UFL1: variants seen among roughly 807,000 people sequenced by gnomAD.
The protein encoded by UFL1 is E3 UFM1-protein ligase 1.
A neutral mutation model predicts 99.3 loss-of-function variants in UFL1; 78 were observed. That is an observed-to-expected ratio of 0.79 (90% CI 0.65 to 0.95). The LOEUF (loss-of-function observed/expected upper bound fraction) is 0.95, where lower values mean the gene tolerates loss of function less well. Ranked by LOEUF, UFL1 falls within the 40% of genes least tolerant of loss-of-function variation. The pLI, the probability that UFL1 is intolerant of heterozygous loss-of-function variation, is 0.00. For synonymous variants in UFL1, 335 were observed against 322.2 expected, an observed-to-expected ratio of 1.04 and a Z score of -0.42; for missense variants, 936 against 937.0, an observed-to-expected ratio of 1.00 and a Z score of 0.01.
chr6:96,537,871 T>C (rs1769875491), intron 9 of UFL1, among the ~76,000 whole-genome samples: 1 of 151,900 alleles, frequency 6.6e-6, no homozygotes, highest in Non-Finnish European at 1.5e-5. Flanking sequence ...AGGCATTGTG[T>C]AGCATTTGTT....
intron 12 of UFL1, among the ~76,000 whole-genome samples, chr6:96,543,548 G>A (rs1769959482): frequency 1.3e-5 from 2 of 151,156 alleles, no homozygotes; most frequent in South Asian, 4.1e-4. Flanking sequence ...AGCATAAATG[G>A]AGTTATAGAG....
intron 6 of UFL1, among the ~76,000 whole-genome samples, chr6:96,534,055 C>T (rs1445591490): frequency 6.6e-6 from 1 of 151,794 alleles, no homozygotes; most frequent in Admixed American, 6.6e-5. Context: ...GCAATGTAAA[C>T]TGATCCTTGA....
At chr6:96,537,337 T>C (rs187730744) in intron 8 of UFL1, 37 bp from the exon 9 acceptor site, 29 of 1,499,170 alleles carry the variant, frequency 1.9e-5, no homozygotes, top group Admixed American at 1.5e-4. Context: ...TTACATGTAA[T>C]TGACAATTCT....
In UFL1 at chr6:96,528,547, C is replaced by G; in HGVS notation, c.511C>G (p.Leu171Val). 6 of 1,613,820 alleles carry G rather than the reference C, an allele frequency of 3.7e-6. No homozygotes were observed. Among genetic ancestry groups the G allele is most frequent in the Non-Finnish European group, 5.1e-6 (6 of 1,179,814 alleles). ...LGRIISGHID[L>V]DNRGVIFTEA... ...TAGAATTATCAGTGGACATATTGAT[C>G]TTGATAATAGAGGAGTAATTTTTAC... The change falls in exon 6 of 19, where the codon CTT becomes GTT. Residue 171 changes from leucine (L) to valine (V), a missense_variant. Leu to Val is a conservative substitution (Grantham distance 32). Coordinates refer to ENST00000369278, the MANE Select transcript of UFL1 (RefSeq NM_015323.5).
chr6:96,541,671 A>C (rs934430281), intron 11 of UFL1, among the ~76,000 whole-genome samples: 2 of 151,284 alleles, frequency 1.3e-5, no homozygotes, highest in Admixed American at 1.3e-4. Flanking sequence ...ATATTTGAAG[A>C]TATAGTTATA....
chr6:96,553,313 A>G lies in UFL1; in HGVS notation c.2195A>G (p.Gln732Arg). Residue 732 changes from glutamine (Q) to arginine (R), a missense_variant, in exon 19 of 19, where the codon CAA (glutamine) becomes CGA (arginine). Physicochemically the swap from Gln to Arg is conservative, Grantham distance 43. Coordinates refer to ENST00000369278, the MANE Select transcript of UFL1 (RefSeq NM_015323.5). ...CAGCATGCTCTTTTGGTAAAGTATCAAGGTTTGGTTGTAAAGCAGCTAGTC... is the reference window on the plus strand; with the variant it reads ...CAGCATGCTCTTTTGGTAAAGTATCGAGGTTTGGTTGTAAAGCAGCTAGTC... ...EDQHALLVKY[Q>R]GLVVKQLVSQ... 2 of 1,613,616 alleles carry G rather than the reference A, an allele frequency of 1.2e-6. No individual in the cohort carries two copies. Among genetic ancestry groups the G allele is most frequent in the Non-Finnish European group, 1.7e-6 (2 of 1,179,716 alleles).
At chr6:96,524,653 T>A (rs768903832) in intron 3 of UFL1, among the ~76,000 whole-genome samples, 1 of 152,194 alleles carries the variant, frequency 6.6e-6, no homozygotes, top group East Asian at 1.9e-4. Context: ...TGGCCAACTC[T>A]TCCCTAGTTG....
At chr6:96,531,488 T>G (rs1016908534) in intron 6 of UFL1, among the ~76,000 whole-genome samples, 2 of 152,206 alleles carry the variant, frequency 1.3e-5, no homozygotes, top group African/African-American at 4.8e-5. Flanking sequence ...CCATTGCTAC[T>G]GCAGCTCCCT....
chr6:96,522,100 T>C (rs1021941870), intron 1 of UFL1, 150 bp downstream of exon 1: 4 of 997,030 alleles, frequency 4.0e-6, no homozygotes. Context: ...CGAGCCTGGA[T>C]CGCAGTTCCA....
chr6:96,530,469 A>G (rs992784269), intron 6 of UFL1, among the ~76,000 whole-genome samples: 1 of 152,178 alleles, frequency 6.6e-6, no homozygotes, highest in Non-Finnish European at 1.5e-5. Context: ...TTTGTAACTA[A>G]TAAGTATTTG....
chr6:96,532,544 G>A (rs1562252328), intron 6 of UFL1, among the ~76,000 whole-genome samples: 1 of 152,208 alleles, frequency 6.6e-6, no homozygotes, highest in Non-Finnish European at 1.5e-5. Flanking sequence ...TCCCACCAGG[G>A]TGAGTGAATT....
At chr6:96,522,491 G>GTA (rs1769631485) in intron 1 of UFL1, among the ~76,000 whole-genome samples, 2 of 152,180 alleles carry the variant, frequency 1.3e-5, no homozygotes, top group East Asian at 1.9e-4. Context: ...CTAACCTTTG[G>GTA]AGGATGTGTC....
At chr6:96,544,425 A>G (rs930158416) in intron 12 of UFL1, among the ~76,000 whole-genome samples, 73 of 151,032 alleles carry the variant, frequency 4.8e-4, no homozygotes, top group African/African-American at 1.8e-3. Flanking sequence ...ACTTTAAATG[A>G]TAATAGATTG....
rs749407211 is a variant in UFL1 at position 96,521,908 on chromosome 6, C to T, written c.35C>T (p.Ala12Val). Residue 12 changes from alanine (A) to valine (V), a missense_variant, in exon 1 of 19, where the codon GCG becomes GTG. By Grantham distance (64) the Ala-to-Val change is moderately conservative. Coordinates refer to ENST00000369278, the MANE Select transcript of UFL1 (RefSeq NM_015323.5). ...GCCTGGGAAGAGATTAGGCGGTTGG[C>T]GGCCGACTTCCAGCGGGCGCAGTTC... ...ADAWEEIRRL[A>V]ADFQRAQFAE... 2 of 1,612,354 alleles carry T rather than the reference C, an allele frequency of 1.2e-6. No homozygotes were observed. Among genetic ancestry groups the T allele is most frequent in the South Asian group, 1.1e-5 (1 of 90,622 alleles).
chr6:96,532,688 C>T (rs879599433), intron 6 of UFL1, among the ~76,000 whole-genome samples: 2 of 152,176 alleles, frequency 1.3e-5, no homozygotes, highest in Non-Finnish European at 2.9e-5. Context: ...TTTCCACTTA[C>T]CACCGTAAAT....
chr6:96,536,346 A>G lies in UFL1; in HGVS notation c.758A>G (p.Gln253Arg), dbSNP rs1292361039. The G allele has an allele frequency of 3.1e-6, 5 of 1,611,146 alleles. No individual in the cohort carries two copies. Among genetic ancestry groups the G allele is most frequent in the Non-Finnish European group, 4.2e-6 (5 of 1,177,992 alleles). The change falls in exon 8 of 19, where the codon CAG (glutamine) becomes CGG (arginine). Residue 253 changes from glutamine (Q) to arginine (R), a missense_variant. Coordinates refer to ENST00000369278, the MANE Select transcript of UFL1 (RefSeq NM_015323.5). ...VFVPDIYSRT[Q>R]STWVDSFFRQ... Reference sequence around the variant, plus strand: ...GTCCCTGACATCTACTCCAGGACACAGAGTACTTGGGTGGATTCCTTTTTC... The same window carrying G: ...GTCCCTGACATCTACTCCAGGACACGGAGTACTTGGGTGGATTCCTTTTTC...
In UFL1 at chr6:96,537,421, A is replaced by C. The variant is rs752670435; in HGVS notation, c.850A>C (p.Ile284Leu). 1 of 1,602,710 alleles carries C rather than the reference A, an allele frequency of 6.2e-7. No homozygotes were observed. The highest frequency in any genetic ancestry group is 8.5e-7 in the Non-Finnish European group (1 of 1,175,598). ...TGGAATCCCAGATGCTGTAAGCTACATAAAGAAAAGATATAAGACTACACA... is the reference window on the plus strand; with the variant it reads ...TGGAATCCCAGATGCTGTAAGCTACCTAAAGAAAAGATATAAGACTACACA... ...RLGIPDAVSY[I>L]KKRYKTTQLL... Residue 284 changes from isoleucine to leucine, a missense_variant, in exon 9 of 19, where the codon ATA becomes CTA. Transcript: ENST00000369278.
intron 12 of UFL1, among the ~76,000 whole-genome samples, chr6:96,546,523 G>A (rs756453265): frequency 6.6e-6 from 1 of 151,256 alleles, no homozygotes; most frequent in African/African-American, 2.4e-5. Flanking sequence ...CACTCCTAAA[G>A]TTGATATGGA....
rs554185040 is a variant in UFL1 at position 96,549,213 on chromosome 6, G to C, written c.1521-199G>C. On this transcript the variant is annotated intron_variant, in intron 13 of 18. Transcript: ENST00000369278. ...CAGTAACTTTGAATACTTTAAAATA[G>C]AGAAAATTAATCTATTTCTGTCTTA... Among the ~76,000 whole-genome samples the C allele has an allele frequency of 4.6e-5, 7 of 151,692 alleles. No individual in the cohort carries two copies. In the South Asian group the frequency reaches 1.5e-3, roughly 31 times the overall value.
Sources: allele counts gnomAD v4.1 joint callset (sites outside exome capture counted in the v4.1 genomes callset), GRCh38; gene constraint gnomAD v4.1.1; transcripts MANE v1.5; gene names NCBI Gene and HGNC (gene_info 2026-07-23, HGNC 2026-07-21).